The following SLTM variants were observed in gnomAD, a reference collection of about 807,000 sequenced individuals.
SLTM encodes SAFB like transcription modulator, also known as SAFB-like transcription modulator.
A neutral mutation model predicts 134.6 loss-of-function variants in SLTM; 43 were observed. The observed-to-expected ratio is 0.32, with a 90% CI of 0.25 to 0.41. The LOEUF (loss-of-function observed/expected upper bound fraction) is 0.41, where lower values mean the gene tolerates loss of function less well. Ranked by LOEUF, SLTM falls within the 10% of genes least tolerant of loss-of-function variation. SLTM has a pLI of 1.00. For missense variants in SLTM, 1,055 were observed against 1,288.8 expected, an observed-to-expected ratio of 0.82 and a Z score of 2.78; for synonymous variants, 424 against 432.3, an observed-to-expected ratio of 0.98 and a Z score of 0.24.
At chr15:58,887,571 A>C in intron 17 of SLTM, 31 bp from the exon 18 acceptor site, 1 of 1,575,516 alleles carries the variant, frequency 6.3e-7, no homozygotes, top group Non-Finnish European at 8.6e-7. Flanking sequence ...ATATAGGTCC[A>C]AGAAGTGCTT....
intron 5 of SLTM, among the ~76,000 whole-genome samples, chr15:58,904,561 T>C (rs1322872913): frequency 6.6e-6 from 1 of 151,584 alleles, no homozygotes; most frequent in Non-Finnish European, 1.5e-5. Flanking sequence ...TTTTTTTTTT[T>C]TGAGGCAGAG....
intron 14 of SLTM, among the ~76,000 whole-genome samples, chr15:58,892,357 G>A (rs920251019): frequency 2.0e-5 from 3 of 152,162 alleles, no homozygotes; most frequent in African/African-American, 4.8e-5. Context: ...GATATAATCC[G>A]AATACCATTA....
At chr15:58,921,425 ATTTT>A in intron 2 of SLTM, 1 of 179,298 alleles carries the variant, frequency 5.6e-6, no homozygotes. Context: ...CATGTATGAA[ATTTT>A]AAAATGTGAG....
intron 20 of SLTM, 69 bp downstream of exon 20, chr15:58,883,557 T>C: frequency 6.3e-7 from 1 of 1,585,678 alleles, no homozygotes; most frequent in East Asian, 2.3e-5. Flanking sequence ...TCTCAGAAAC[T>C]ATAATGACTT....
In SLTM at chr15:58,890,353, A is replaced by C. The variant is rs373573293; in HGVS notation, c.2007T>G (p.Ile669Met). The change falls in exon 15 of 21, where the codon ATT becomes ATG. Residue 669 changes from isoleucine (I) to methionine (M), a missense_variant. Ile to Met is a conservative substitution (Grantham distance 10). This residue lies in a region of SLTM where 776 missense variants were observed against 962.2 expected (regional missense o/e 0.81). Coordinates refer to ENST00000380516, the MANE Select transcript of SLTM (RefSeq NM_024755.4). ...RLQRERERLE[I>M]ERQKLERERM... ...TCTCTCTCTCTAGTTTTTGCCTTTC[A>C]ATTTCTAGGCGCTCTCTCTCTCTCT... 28 of 1,613,696 alleles carry C rather than the reference A, an allele frequency of 1.7e-5. No homozygotes were observed. Among genetic ancestry groups the C allele is most frequent in the Non-Finnish European group, 2.4e-5 (28 of 1,179,956 alleles).
rs781590538 is a variant in SLTM at position 58,894,035 on chromosome 15, G to A, written c.1482-48C>T. 1.1e-5 allele frequency: 17 copies of A among 1,600,702 alleles called. No homozygotes were observed. In the Admixed American group the frequency reaches 2.8e-4, roughly 27 times the overall value. The stretch of plus-strand genomic sequence containing the variant: ...AAAAACAGAATGAGTACTTCATAAT[G>A]TACCAAAAAAGTCTATCTGCTTATC... On this transcript the variant is annotated intron_variant, in intron 11 of 20. Coordinates refer to ENST00000380516, the MANE Select transcript of SLTM (RefSeq NM_024755.4).
chr15:58,901,122 T>C (rs2035458752), intron 6 of SLTM, 138 bp downstream of exon 6: 2 of 718,572 alleles, frequency 2.8e-6, no homozygotes, highest in South Asian at 1.7e-5. Flanking sequence ...AAAATCAAGA[T>C]GCTAACTTAA....
chr15:58,907,886 T>C (rs2035975696), intron 5 of SLTM, among the ~76,000 whole-genome samples: 1 of 152,102 alleles, frequency 6.6e-6, no homozygotes, highest in Non-Finnish European at 1.5e-5. Context: ...AAGTAGAATC[T>C]GAACTAAAGT....
chr15:58,922,941 C>G (rs1428242182), intron 2 of SLTM, among the ~76,000 whole-genome samples: 1 of 152,020 alleles, frequency 6.6e-6, no homozygotes, highest in Non-Finnish European at 1.5e-5. Flanking sequence ...GTCTCGAACT[C>G]CTGACCTCTA....
At chr15:58,912,760 CTA>C (rs2036372608) in intron 4 of SLTM, 150 bp from the exon 5 acceptor site, 2 of 601,262 alleles carry the variant, frequency 3.3e-6, no homozygotes, top group Admixed American at 6.0e-5. Flanking sequence ...AATATTCAGA[CTA>C]TATTTTTTAT....
At chr15:58,928,354 G>A (rs1044864205) in intron 2 of SLTM, among the ~76,000 whole-genome samples, 6 of 152,180 alleles carry the variant, frequency 3.9e-5, no homozygotes, top group South Asian at 2.1e-4. Context: ...TAATATAACC[G>A]TAAACTTCAA....
chr15:58,891,110 T>C (rs1156696693), intron 14 of SLTM, among the ~76,000 whole-genome samples: 1 of 152,220 alleles, frequency 6.6e-6, no homozygotes, highest in Non-Finnish European at 1.5e-5. Context: ...CAGCATCCTT[T>C]TCTGTCATCA....
chr15:58,922,674 A>G (rs559514082), intron 2 of SLTM, among the ~76,000 whole-genome samples: 1 of 147,712 alleles, frequency 6.8e-6, no homozygotes, highest in African/African-American at 2.5e-5. Flanking sequence ...AATATATAAA[A>G]TATATAATAT....
chr15:58,908,247 G>C (rs2036013969), intron 5 of SLTM, among the ~76,000 whole-genome samples: 1 of 151,656 alleles, frequency 6.6e-6, no homozygotes, highest in African/African-American at 2.4e-5. Flanking sequence ...TTTTTGTAGA[G>C]ATGGGGGTTT....
chr15:58,899,897 T>A lies in SLTM; in HGVS notation c.630A>T (p.Lys210Asn). 1 of 1,613,460 alleles carries A rather than the reference T, an allele frequency of 6.2e-7. No individual in the cohort carries two copies. The highest frequency in any genetic ancestry group is 8.5e-7 in the Non-Finnish European group (1 of 1,179,802). The change falls in exon 7 of 21, where the codon AAA becomes AAT. Residue 210 changes from lysine (K) to asparagine (N), a missense_variant. Transcript: ENST00000380516. This position sits in a 1 kb window ranked among gnomAD's most constrained non-coding sequence, Gnocchi z 5.0. Reference sequence around the variant, plus strand: ...CTAGGCTCCCTTCTGAAGGAAGAGGTTTAGATACTTCTTGTGTACCATCAC... The same window carrying A: ...CTAGGCTCCCTTCTGAAGGAAGAGGATTAGATACTTCTTGTGTACCATCAC... ...GSGDGTQEVS[K>N]PLPSEGSLAE...
intron 5 of SLTM, among the ~76,000 whole-genome samples, chr15:58,909,280 G>A (rs928707666): frequency 2.0e-5 from 3 of 152,130 alleles, no homozygotes; most frequent in Admixed American, 1.3e-4. Context: ...GATAATAACT[G>A]CGATGGACCA....
intron 20 of SLTM, among the ~76,000 whole-genome samples, chr15:58,880,983 G>A (rs1433772527): frequency 6.6e-6 from 1 of 152,078 alleles, no homozygotes; most frequent in African/African-American, 2.4e-5. Flanking sequence ...CAACAGAGCA[G>A]ATGTTAGTAA....
chr15:58,933,504 T>G lies in SLTM; in HGVS notation c.62A>C (p.Lys21Thr). 2 of 1,599,782 alleles carry G rather than the reference T, an allele frequency of 1.3e-6. No individual in the cohort carries two copies. Among genetic ancestry groups the G allele is most frequent in the Non-Finnish European group, 1.7e-6 (2 of 1,173,822 alleles). Residue 21 changes from lysine to threonine, a missense_variant, in exon 1 of 21, where the codon AAG becomes ACG. Lys to Thr is a moderately conservative substitution (Grantham distance 78). This residue lies in a region of SLTM where 268 missense variants were observed against 284.3 expected (regional missense o/e 0.94). Transcript: ENST00000380516. ...ATCGATGACCCGCAGATCGGTGATC[T>G]TTTTACCTTCCGCCTGACCCGAGGC... ...SAASGQAEGK[K>T]ITDLRVIDLK...
chr15:58,902,718 T>C (rs1441391254), intron 5 of SLTM, among the ~76,000 whole-genome samples: 8 of 150,184 alleles, frequency 5.3e-5, no homozygotes, highest in African/African-American at 7.4e-5. Flanking sequence ...TTGTTTTGTA[T>C]GTTTTGTCTT....
Sources: gnomAD v4.1 joint callset for allele counts (sites outside exome capture counted in the v4.1 genomes callset) on GRCh38, gnomAD v4.1.1 for gene constraint, gnomAD v4.1.1 regional missense constraint, Gnocchi (gnomAD v3.1) non-coding constraint, MANE v1.5 for transcripts, NCBI Gene and HGNC (gene_info 2026-07-23, HGNC 2026-07-21) for gene names.